The following RBFOX1 variants were observed in gnomAD, a reference collection of about 807,000 sequenced individuals.
The protein encoded by RBFOX1 is RNA binding protein fox-1 homolog 1.
Under a neutral mutation model 57.7 loss-of-function variants are expected in RBFOX1, and 8 were observed. The observed-to-expected ratio is 0.14, with a 90% CI of 0.08 to 0.25. RBFOX1 has a LOEUF of 0.25. RBFOX1 is among the 10% of genes least tolerant of loss of function. RBFOX1 has a pLI of 1.00. For synonymous variants in RBFOX1, 326 were observed against 222.4 expected (o/e 1.47, Z -4.15); for missense variants, 611 against 548.5 (o/e 1.11, Z -1.14).
At position 6,774,062 on chromosome 16, in the gene RBFOX1, A is replaced by C. The variant is rs962966033; in HGVS notation, c.-16+119412A>C. ...CCTGTAAATGCTCATTGGCTTTCTGATTTCCCATTAATTTCCTAGCTTTAA... is the reference window on the plus strand; with the variant it reads ...CCTGTAAATGCTCATTGGCTTTCTGCTTTCCCATTAATTTCCTAGCTTTAA... On this transcript the variant is annotated intron_variant, in intron 3 of 15. Coordinates refer to ENST00000550418, the MANE Select transcript of RBFOX1 (RefSeq NM_018723.4). 3.3e-6 allele frequency: 3 copies of C among 922,438 alleles called. No individual in the cohort carries two copies. In the African/African-American group the frequency reaches 5.4e-5, roughly 17 times the overall value. 57.1% of individuals were successfully genotyped at this position (922,438 alleles called of 1,614,324 possible). A position where few individuals can be genotyped will look rare whatever the true frequency, so the allele number is the denominator to read the frequency against.
chr16:6,560,578 C>A (rs545816119), intron 2 of RBFOX1, among the ~76,000 whole-genome samples: 1 of 152,090 alleles, frequency 6.6e-6, no homozygotes, highest in Non-Finnish European at 1.5e-5. Context: ...AGGGAAGAAG[C>A]AAGGTGAGGA....
At chr16:7,433,465 C>G (rs958449007) in intron 4 of RBFOX1, among the ~76,000 whole-genome samples, 1 of 152,188 alleles carries the variant, frequency 6.6e-6, no homozygotes, top group Non-Finnish European at 1.5e-5. Context: ...AGAGCAGATA[C>G]AAAACAGTGG....
chr16:7,684,744 C>T (rs1429920297), intron 14 of RBFOX1, among the ~76,000 whole-genome samples: 3 of 151,788 alleles, frequency 2.0e-5, no homozygotes, highest in East Asian at 1.9e-4. Context: ...TTGTTTTTTC[C>T]ACCATTTCTG....
chr16:5,683,056 G>C (rs1177527821), intron 3 of RBFOX1, among the ~76,000 whole-genome samples: 3 of 150,706 alleles, frequency 2.0e-5, no homozygotes, highest in South Asian at 4.3e-4. Flanking sequence ...TAGGGTTATA[G>C]TAAGGATTTA....
chr16:5,253,988 A>C (rs2062521302), intron 1 of RBFOX1, among the ~76,000 whole-genome samples: 3 of 132,042 alleles, frequency 2.3e-5, no homozygotes. Flanking sequence ...TCTGTGGTAG[A>C]CACTAGCTCA....
At chr16:7,500,710 A>G (rs904116148) in intron 4 of RBFOX1, among the ~76,000 whole-genome samples, 2 of 152,196 alleles carry the variant, frequency 1.3e-5, no homozygotes, top group East Asian at 1.9e-4. Context: ...CTTTCTTTCA[A>G]TATTGTATGT....
At chr16:6,025,506 T>C (rs894329860) in intron 1 of RBFOX1, among the ~76,000 whole-genome samples, 5 of 152,348 alleles carry the variant, frequency 3.3e-5, no homozygotes, top group African/African-American at 7.2e-5. Flanking sequence ...CATGTGTTCT[T>C]GTGTGCCTGC....
Position 7,138,553 on chromosome 16 carries a change from C to G in RBFOX1, c.27+86455C>G, listed in dbSNP as rs557031918. Among the ~76,000 whole-genome samples, 137 of 152,248 alleles carry G rather than the reference C, an allele frequency of 9.0e-4. 1 individual carries two copies. The highest frequency in any genetic ancestry group is 3.4e-3 in the Middle Eastern group (1 of 294). ...AGCACAGTTTTGTGTTATTGTGAAA[C>G]AACGTTAATTTTATCCTCATCCCCA... On this transcript the variant is annotated intron_variant, in intron 4 of 15. Coordinates refer to ENST00000550418, the MANE Select transcript of RBFOX1 (RefSeq NM_018723.4).
chr16:6,142,517 G>T (rs915874279), intron 1 of RBFOX1, among the ~76,000 whole-genome samples: 1 of 151,748 alleles, frequency 6.6e-6, no homozygotes, highest in African/African-American at 2.4e-5. Context: ...CACCATGCCT[G>T]GCCAAAAAAA....
intron 4 of RBFOX1, among the ~76,000 whole-genome samples, chr16:7,330,579 TCTC>T (rs1339910411): frequency 1.3e-5 from 2 of 151,486 alleles, no homozygotes; most frequent in Non-Finnish European, 2.9e-5. Flanking sequence ...ATCACTATCT[TCTC>T]TGCAGTTTCC....
chr16:5,642,822 A>C (rs982600323), intron 3 of RBFOX1, among the ~76,000 whole-genome samples: 1 of 152,120 alleles, frequency 6.6e-6, no homozygotes, highest in African/African-American at 2.4e-5. Context: ...TTGGTTACAG[A>C]CATAATACTA....
chr16:5,869,313 A>G lies in RBFOX1; in HGVS notation c.351+1978A>G, dbSNP rs570562472. 5.3e-5 allele frequency among the ~76,000 whole-genome samples: 8 copies of G among 152,206 alleles called. No individual in the cohort carries two copies. The East Asian group carries it at 1.2e-3, about 22-fold the overall frequency. On this transcript the variant is annotated intron_variant, in intron 4 of 19. Transcript: ENST00000641259. The stretch of plus-strand genomic sequence containing the variant: ...CTTCCATCTTTCTTCGTTTCCCCAG[A>G]CACATTCTTATATCTGCATCTTATT...
chr16:6,819,509 G>C (rs1274483807), intron 3 of RBFOX1, among the ~76,000 whole-genome samples: 2 of 151,936 alleles, frequency 1.3e-5, no homozygotes, highest in Non-Finnish European at 2.9e-5. Context: ...TTTGAGACCA[G>C]CCTGACCAGC....
Position 6,719,964 on chromosome 16 carries a change from G to T in RBFOX1, c.-16+65314G>T, listed in dbSNP as rs150029524. On this transcript the variant is annotated intron_variant, in intron 3 of 15. Coordinates refer to ENST00000550418, the MANE Select transcript of RBFOX1 (RefSeq NM_018723.4). Reference sequence around the variant, plus strand: ...AAGAAATTAGCCGGGGGTGATGGCAGGCGTCTATAATCCCAGCTACCTGGG... The same window carrying T: ...AAGAAATTAGCCGGGGGTGATGGCATGCGTCTATAATCCCAGCTACCTGGG... Among the ~76,000 whole-genome samples the T allele has an allele frequency of 2.4e-3, 372 of 151,934 alleles. 4 individuals carry two copies. The highest frequency in any genetic ancestry group is 8.0e-3 in the African/African-American group (332 of 41,488).
intron 4 of RBFOX1, among the ~76,000 whole-genome samples, chr16:7,170,639 G>T (rs1197466794): frequency 2.0e-5 from 3 of 151,972 alleles, no homozygotes; most frequent in Non-Finnish European, 4.4e-5. Context: ...ACCCACTTTG[G>T]GTATCTTTTA....
At chr16:6,953,166 C>G (rs1310302254) in intron 3 of RBFOX1, among the ~76,000 whole-genome samples, 1 of 152,100 alleles carries the variant, frequency 6.6e-6, no homozygotes, top group Non-Finnish European at 1.5e-5. Context: ...GGAAAAATAA[C>G]CATGATCATT....
At chr16:5,765,502 T>C (rs1483956955) in intron 3 of RBFOX1, among the ~76,000 whole-genome samples, 8 of 152,236 alleles carry the variant, frequency 5.3e-5, no homozygotes, top group African/African-American at 1.9e-4. Flanking sequence ...AAAGACATTT[T>C]ATGAGGGCAA....
intron 3 of RBFOX1, among the ~76,000 whole-genome samples, chr16:5,657,704 G>A (rs1321462487): frequency 1.2e-5 from 1 of 80,160 alleles, no homozygotes; most frequent in Non-Finnish European, 2.7e-5. Context: ...TTCTCCTTCT[G>A]TCTTTCTCTC....
At chr16:6,809,573 C>A (rs1008361414) in intron 3 of RBFOX1, among the ~76,000 whole-genome samples, 1 of 152,100 alleles carries the variant, frequency 6.6e-6, no homozygotes, top group Non-Finnish European at 1.5e-5. Context: ...GTATATGAAG[C>A]CTTCAACCAA....
Sources: gnomAD v4.1 joint callset for allele counts (sites outside exome capture counted in the v4.1 genomes callset) on GRCh38, gnomAD v4.1.1 for gene constraint, MANE v1.5 for transcripts, NCBI Gene and HGNC (gene_info 2026-07-23, HGNC 2026-07-21) for gene names.